The following ZNF7 variants were observed in gnomAD, a reference collection of about 807,000 sequenced individuals.
The protein encoded by ZNF7 is zinc finger protein 7.
A neutral mutation model predicts 12.0 loss-of-function variants in ZNF7; 10 were observed. The observed-to-expected ratio is 0.83, with a 90% confidence interval of 0.51 to 1.42. ZNF7 has a LOEUF of 1.42. Ranked by LOEUF, ZNF7 falls within the 40% of genes most tolerant of loss-of-function variation. The pLI is 0.00. For synonymous variants in ZNF7, 334 were observed against 295.0 expected (o/e 1.13, Z -1.35); for missense variants, 854 against 837.2 (o/e 1.02, Z -0.25).
At chr8:144,831,124 T>C (rs1253193263) in intron 3 of ZNF7, 2 of 436,422 alleles carry the variant, frequency 4.6e-6, no homozygotes, top group Non-Finnish European at 9.2e-6. Flanking sequence ...CCTGTCCTCC[T>C]CTCTCAGGCC....
intron 3 of ZNF7, chr8:144,830,797 G>A (rs909411864): frequency 3.0e-5 from 11 of 369,110 alleles, no homozygotes; most frequent in African/African-American, 8.6e-5. Context: ...GCAATGGCGC[G>A]ATCTTGGCTC....
At chr8:144,830,755 A>G (rs1213678717) in intron 3 of ZNF7, among the ~76,000 whole-genome samples, 1 of 148,812 alleles carries the variant, frequency 6.7e-6, no homozygotes, top group South Asian at 2.1e-4. Flanking sequence ...AGATTTTGAG[A>G]TGGAGTCTTG....
At chr8:144,846,335 C>A (rs1032242928), downstream of ZNF7, 8 of 680,896 alleles carry the variant, frequency 1.2e-5, no homozygotes, top group South Asian at 2.2e-5. Flanking sequence ...CCATTCGTAG[C>A]TTTTTACATT....
At chr8:144,845,899 T>C, downstream of ZNF7, 1 of 1,407,678 alleles carries the variant, frequency 7.1e-7, no homozygotes, top group Admixed American at 2.1e-5. Context: ...CTGAGAAGGG[T>C]CTTGGCAGGT....
intron 2 of ZNF7, 96 bp from the exon 3 acceptor site, chr8:144,829,382 A>G (rs919186475): frequency 6.3e-7 from 1 of 1,583,642 alleles, no homozygotes; most frequent in Non-Finnish European, 8.6e-7. Context: ...GTCTCGCCCA[A>G]CCCCATGGGG....
chr8:144,829,987 T>G, intron 3 of ZNF7: 1 of 164,344 alleles, frequency 6.1e-6, no homozygotes, highest in East Asian at 1.7e-4. Context: ...GCAGATGCCG[T>G]CATCCCCTTG....
At chr8:144,829,843 C>T (rs565751536) in intron 3 of ZNF7, 151 of 389,118 alleles carry the variant, frequency 3.9e-4, no homozygotes, top group African/African-American at 2.7e-3. Flanking sequence ...TTTTCCTAAG[C>T]TGTTAAATTG....
At chr8:144,832,395 C>G (rs1229121349) in intron 3 of ZNF7, among the ~76,000 whole-genome samples, 2 of 97,638 alleles carry the variant, frequency 2.0e-5, no homozygotes, top group African/African-American at 6.0e-5. Context: ...TGCACTCCAG[C>G]CTGGGTGACA....
chr8:144,841,199 C>G, intron 4 of ZNF7, 156 bp from the exon 5 acceptor site: 1 of 744,662 alleles, frequency 1.3e-6, no homozygotes, highest in Non-Finnish European at 2.2e-6. Context: ...TGAGAACTGT[C>G]AAAGGCTCTG....
At position 144,843,036 on chromosome 8, in the gene ZNF7, T is replaced by C. The variant is rs1290016825; in HGVS notation, c.1929T>C (p.Phe643=). The change falls in exon 5 of 5, where the codon TTT becomes TTC. Residue 643 remains phenylalanine, a synonymous_variant. Coordinates refer to ENST00000532777, the MANE Select transcript of ZNF7 (RefSeq NM_003416.4). ...LHQCEDCEKI[F]RWRSHLIIHQ... The stretch of plus-strand genomic sequence containing the variant: ...AGTGTGAAGACTGTGAGAAGATATT[T>C]AGGTGGCGTTCACACCTAATTATAC... The C allele has an allele frequency of 6.2e-7, 1 of 1,614,210 alleles. No homozygotes were observed. The highest frequency in any genetic ancestry group is 8.5e-7 in the Non-Finnish European group (1 of 1,180,036).
chr8:144,843,135 G>A lies in ZNF7; in HGVS notation c.2028G>A (p.Arg676=). ...GCAAAGCTTTTAATCGTAGCTCAAG[G>A]CTTACCCAGCATCAAAAAATTCACA... ...DCGKAFNRSS[R]LTQHQKIHMG is the part of the protein sequence containing the mutation. Residue 676 remains arginine, a synonymous_variant, in exon 5 of 5, where the codon AGG becomes AGA. Coordinates refer to ENST00000532777, the MANE Select transcript of ZNF7 (RefSeq NM_003416.4). The A allele has an allele frequency of 6.3e-7, 1 of 1,598,064 alleles. No homozygotes were observed. The highest frequency in any genetic ancestry group is 8.5e-7 in the Non-Finnish European group (1 of 1,173,792).
chr8:144,829,040 C>T lies in ZNF7; in HGVS notation c.-45-3C>T. On this transcript the variant is annotated splice_region_variant and splice_polypyrimidine_tract_variant and intron_variant, in intron 1 of 4. Transcript: ENST00000532777. ...CCTCTAATCCTTTCATAATTGCCAA[C>T]AGGTCTCTCGGCCAGAACACGTGGA... The T allele has an allele frequency of 6.2e-7, 1 of 1,613,718 alleles. No homozygotes were observed. Among genetic ancestry groups the T allele is most frequent in the Admixed American group, 1.7e-5 (1 of 59,984 alleles).
chr8:144,829,536 T>G lies in ZNF7; in HGVS notation c.62T>G (p.Leu21Arg). Residue 21 changes from leucine (L) to arginine (R), a missense_variant, in exon 3 of 5, where the codon CTG (leucine) becomes CGG (arginine). Leu to Arg is a moderately radical substitution (Grantham distance 102). Transcript: ENST00000532777. ...TTCTCTCGGGAGGAGTGGCAGTGTC[T>G]GGACCCTGGCCAGAGGGCCCTCTAC... ...VHFSREEWQC[L>R]DPGQRALYRE... is the part of the protein sequence containing the mutation. The G allele has an allele frequency of 6.2e-7, 1 of 1,614,144 alleles. No individual in the cohort carries two copies. The highest frequency in any genetic ancestry group is 8.5e-7 in the Non-Finnish European group (1 of 1,180,006).
chr8:144,845,405 A>G (rs1223563342), downstream of ZNF7, among the ~76,000 whole-genome samples: 1 of 151,644 alleles, frequency 6.6e-6, no homozygotes, highest in African/African-American at 2.4e-5. Flanking sequence ...TTTGCTGCTG[A>G]CACAACCTTG....
rs1419587579 is a variant in ZNF7, at chr8:144,842,004, C to A, written c.897C>A (p.Ile299=). The change falls in exon 5 of 5, where the codon ATC becomes ATA. Residue 299 remains isoleucine, a synonymous_variant. Transcript: ENST00000532777. Reference sequence around the variant, plus strand: ...CAAAACTTATTCAGCATCAAAGAATCCACACTGGGGAGAAGCCCTACAGAT... The same window carrying A: ...CAAAACTTATTCAGCATCAAAGAATACACACTGGGGAGAAGCCCTACAGAT... ...LSSKLIQHQR[I]HTGEKPYRCE... 3 of 1,614,174 alleles carry A rather than the reference C, an allele frequency of 1.9e-6. No individual in the cohort carries two copies. In the South Asian group the frequency reaches 3.3e-5, roughly 18 times the overall value.
intron 4 of ZNF7, among the ~76,000 whole-genome samples, chr8:144,839,082 C>A (rs1263300092): frequency 8.1e-5 from 2 of 24,634 alleles, no homozygotes; most frequent in African/African-American, 3.3e-4. Flanking sequence ...GGGCTGTGAC[C>A]TTACTTCCAT....
Position 144,841,930 on chromosome 8 carries a change from G to A in ZNF7, c.823G>A (p.Glu275Lys), listed in dbSNP as rs1829975402. The change falls in exon 5 of 5, where the codon GAG (glutamate) becomes AAG (lysine). Residue 275 changes from glutamate to lysine, a missense_variant. By Grantham distance (56) the Glu-to-Lys change is moderately conservative. Transcript: ENST00000532777. Reference sequence around the variant, plus strand: ...TCAGCATCAGAGAATCCACACGGGAGAGAAACCCTTTAAATGCACTGAGTG... The same window carrying A: ...TCAGCATCAGAGAATCCACACGGGAAAGAAACCCTTTAAATGCACTGAGTG... ...LNQHQRIHTG[E>K]KPFKCTECGK... 6.2e-7 allele frequency: 1 copy of A among 1,614,184 alleles called. No individual in the cohort carries two copies. Among genetic ancestry groups the A allele is most frequent in the Non-Finnish European group, 8.5e-7 (1 of 1,180,034 alleles).
chr8:144,839,047 C>A (rs1291156692), intron 4 of ZNF7, among the ~76,000 whole-genome samples: 1 of 125,510 alleles, frequency 8.0e-6, no homozygotes, highest in Non-Finnish European at 1.7e-5. Flanking sequence ...GGGCTGTGAC[C>A]TTACTTCCAT....
rs1828201845 is a variant in ZNF7 at position 144,829,618 on chromosome 8, T to C, written c.130+14T>C. 6.3e-7 allele frequency: 1 copy of C among 1,594,670 alleles called. No individual in the cohort carries two copies. Among genetic ancestry groups the C allele is most frequent in the African/African-American group, 1.3e-5 (1 of 74,650 alleles). ...TGGCTGGACTAGGTGAGGCTGCACC[T>C]TGGGGCCCCTTCCCCTGCATCATCA... On this transcript the variant is annotated intron_variant, in intron 3 of 4. Transcript: ENST00000532777.
Sources: gnomAD v4.1 joint callset for allele counts (sites outside exome capture counted in the v4.1 genomes callset) on GRCh38, gnomAD v4.1.1 for gene constraint, MANE v1.5 for transcripts, NCBI Gene and HGNC (gene_info 2026-07-23, HGNC 2026-07-21) for gene names.